HRH2: variants seen among roughly 807,000 people sequenced by gnomAD.
The protein encoded by HRH2 is histamine H2 receptor.
A neutral mutation model predicts 20.1 loss-of-function variants in HRH2; 4 were observed. The observed-to-expected ratio is 0.20, with a 90% CI of 0.10 to 0.45. The LOEUF is 0.45. Ranked by LOEUF, HRH2 falls within the 20% of genes least tolerant of loss-of-function variation. The probability of loss-of-function intolerance (pLI) is 0.99; values close to 1 mark genes in which losing one functional copy is unlikely to be tolerated. For synonymous variants in HRH2, 197 were observed against 200.7 expected (o/e 0.98, Z 0.16); for missense variants, 250 against 461.6 (o/e 0.54, Z 4.20).
At chr5:175,694,341 C>T (rs2113541778) in intron 2 of HRH2, among the ~76,000 whole-genome samples, 1 of 152,268 alleles carries the variant, frequency 6.6e-6, no homozygotes, top group African/African-American at 2.4e-5. Context: ...CCTGCATCCC[C>T]CCAGTGTAAG....
At chr5:175,707,250 C>G (rs562682750) in intron 2 of HRH2, among the ~76,000 whole-genome samples, 49 of 152,042 alleles carry the variant, frequency 3.2e-4, no homozygotes, top group Non-Finnish European at 6.3e-4. Context: ...GAGTGACAAC[C>G]CACCTCTATA....
In HRH2 at chr5:175,693,919, G is replaced by T. The variant is rs1179684655; in HGVS notation, c.1076+9610G>T. Among the ~76,000 whole-genome samples, 1 of 152,170 alleles carries T rather than the reference G, an allele frequency of 6.6e-6. No individual in the cohort carries two copies. Among genetic ancestry groups the T allele is most frequent in the Non-Finnish European group, 1.5e-5 (1 of 68,038 alleles). On this transcript the variant is annotated intron_variant, in intron 2 of 2. Transcript: ENST00000636584. This position sits in a 1 kb window ranked among gnomAD's most constrained non-coding sequence, Gnocchi z 4.4. ...CATCCCTTACCAGACACTCTCGCAAGCTGGGAAGCTATTTGTGACATGGCA... is the reference window on the plus strand; with the variant it reads ...CATCCCTTACCAGACACTCTCGCAATCTGGGAAGCTATTTGTGACATGGCA...
chr5:175,666,310 C>T (rs1053648988), intron 1 of HRH2, among the ~76,000 whole-genome samples: 1 of 152,228 alleles, frequency 6.6e-6, no homozygotes, highest in Admixed American at 6.5e-5. Flanking sequence ...CGTCATTGGG[C>T]TCTCTGGAAG....
intron 2 of HRH2, among the ~76,000 whole-genome samples, chr5:175,698,632 G>A (rs1022531666): frequency 1.3e-4 from 20 of 152,120 alleles, no homozygotes; most frequent in Admixed American, 6.5e-4. Context: ...AACCCCCTCC[G>A]TCTCGCAGCC....
Position 175,684,251 on chromosome 5 carries a change from C to G in HRH2, c.1018C>G (p.Leu340Val). The stretch of plus-strand genomic sequence containing the variant: ...ACCCAGGCAACAGGAAGAGAAACCC[C>G]TGAAGCTCCAGGTGTGGAGTGGGAC... ...REPRQQEEKP[L>V]KLQVWSGTEV... Residue 340 changes from leucine to valine, a missense_variant, in exon 2 of 3, where the codon CTG becomes GTG. By Grantham distance (32) the Leu-to-Val change is conservative. Around this residue, in one of 5 missense-constraint regions of HRH2, gnomAD observed 55 missense variants for 66.9 expected, o/e 0.82. Transcript: ENST00000636584. The G allele has an allele frequency of 6.2e-7, 1 of 1,614,186 alleles. No homozygotes were observed. Among genetic ancestry groups the G allele is most frequent in the Non-Finnish European group, 8.5e-7 (1 of 1,180,030 alleles).
chr5:175,684,813 G>A (rs78477050), intron 2 of HRH2, among the ~76,000 whole-genome samples: 1 of 152,184 alleles, frequency 6.6e-6, no homozygotes, highest in African/African-American at 2.4e-5. Flanking sequence ...ACCGTGGGGG[G>A]GGTGTAAGTT....
At position 175,677,675 on chromosome 5, in the gene HRH2, A is replaced by T. The variant is rs1485809563; in HGVS notation, c.-525-5034A>T. Among the ~76,000 whole-genome samples, 1 of 152,202 alleles carries T rather than the reference A, an allele frequency of 6.6e-6. No homozygotes were observed. Among genetic ancestry groups the T allele is most frequent in the African/African-American group, 2.4e-5 (1 of 41,464 alleles). ...GCTGGGGCCACTTCCTGATACCCTC[A>T]GGAGGCACCTGGAACATTTGAAGTG... On this transcript the variant is annotated intron_variant, in intron 1 of 2. Coordinates refer to ENST00000636584, the MANE Select transcript of HRH2 (RefSeq NM_001367711.1). This position sits in a 1 kb window ranked among gnomAD's most constrained non-coding sequence, Gnocchi z 4.2.
chr5:175,674,742 CTG>C, intron 1 of HRH2, among the ~76,000 whole-genome samples: 1 of 152,150 alleles, frequency 6.6e-6, no homozygotes, highest in Non-Finnish European at 1.5e-5. Context: ...CCCCTCCTGA[CTG>C]AGAAGAAATA....
rs1486243974 is a variant in HRH2, at chr5:175,683,242, C to A, written c.9C>A (p.Pro3=). 10 of 1,613,578 alleles carry A rather than the reference C, an allele frequency of 6.2e-6. No homozygotes were observed. Among genetic ancestry groups the A allele is most frequent in the Non-Finnish European group, 7.6e-6 (9 of 1,179,558 alleles). The change falls in exon 2 of 3, where the codon CCC becomes CCA. Residue 3 remains proline, a synonymous_variant. Coordinates refer to ENST00000636584, the MANE Select transcript of HRH2 (RefSeq NM_001367711.1). Reference sequence around the variant, plus strand: ...AGCCGTAGAGTCCCAGGATGGCACCCAATGGCACAGCCTCTTCCTTTTGCC... The same window carrying A: ...AGCCGTAGAGTCCCAGGATGGCACCAAATGGCACAGCCTCTTCCTTTTGCC... The part of the protein sequence containing the change: MA[P]NGTASSFCLD...
At chr5:175,665,905 GAA>G (rs552986666) in intron 1 of HRH2, among the ~76,000 whole-genome samples, 1 of 147,148 alleles carries the variant, frequency 6.8e-6, no homozygotes. Context: ...ATATTTTTGG[GAA>G]AAAAAAAAGA....
At chr5:175,690,538 TCTGC>T (rs151048898) in intron 2 of HRH2, among the ~76,000 whole-genome samples, 7,614 of 152,148 alleles carry the variant, frequency 0.05, 626 homozygotes, top group African/African-American at 0.17. Flanking sequence ...TTCCTGTCTG[TCTGC>T]CTGCCTGCCT....
intron 2 of HRH2, among the ~76,000 whole-genome samples, chr5:175,684,614 T>TA (rs1756103848): frequency 2.0e-5 from 3 of 152,222 alleles, no homozygotes; most frequent in Admixed American, 2.0e-4. Context: ...ACGTGGTCCT[T>TA]ACAATTAGAA....
At chr5:175,702,131 G>C (rs986493172) in intron 2 of HRH2, among the ~76,000 whole-genome samples, 5 of 152,168 alleles carry the variant, frequency 3.3e-5, no homozygotes, top group Non-Finnish European at 7.3e-5. Flanking sequence ...CTGCCACTGG[G>C]CTTTTTAAAG....
At chr5:175,658,930 G>A (rs1762653252) in intron 1 of HRH2, among the ~76,000 whole-genome samples, 1 of 152,212 alleles carries the variant, frequency 6.6e-6, no homozygotes, top group African/African-American at 2.4e-5. Context: ...GTGTTGTGAG[G>A]CGAAAGAGGT....
chr5:175,662,353 G>A (rs190061617), intron 1 of HRH2, among the ~76,000 whole-genome samples: 9 of 152,274 alleles, frequency 5.9e-5, no homozygotes, highest in Admixed American at 2.0e-4. Flanking sequence ...GAGTGCTGGC[G>A]TCTAGTGGGT....
chr5:175,676,328 C>A (rs765844749), intron 1 of HRH2, among the ~76,000 whole-genome samples: 2 of 152,248 alleles, frequency 1.3e-5, no homozygotes, highest in Non-Finnish European at 2.9e-5. Context: ...CACGCCCGCA[C>A]GTGCACACAC....
In HRH2 at chr5:175,693,352, G is replaced by A. The variant is rs747351255; in HGVS notation, c.1076+9043G>A. On this transcript the variant is annotated intron_variant, in intron 2 of 2. Coordinates refer to ENST00000636584, the MANE Select transcript of HRH2 (RefSeq NM_001367711.1). The surrounding 1 kb of genome is among the most constrained non-coding windows in gnomAD (Gnocchi z 4.4). ...CCACCCTGCCTGGAGACAGGAAGTCGAGGTGGTCCCGACTGCCAAAAACTG... is the reference window on the plus strand; with the variant it reads ...CCACCCTGCCTGGAGACAGGAAGTCAAGGTGGTCCCGACTGCCAAAAACTG... Among the ~76,000 whole-genome samples the A allele has an allele frequency of 3.3e-5, 5 of 152,188 alleles. No homozygotes were observed. Among genetic ancestry groups the A allele is most frequent in the Non-Finnish European group, 7.3e-5 (5 of 68,036 alleles).
At chr5:175,662,240 A>G (rs1762759413) in intron 1 of HRH2, among the ~76,000 whole-genome samples, 1 of 152,160 alleles carries the variant, frequency 6.6e-6, no homozygotes. Flanking sequence ...CAGGTGAGCC[A>G]GGGAGGTTGG....
chr5:175,704,281 T>A (rs1288530332), intron 2 of HRH2, among the ~76,000 whole-genome samples: 1 of 152,120 alleles, frequency 6.6e-6, no homozygotes, highest in Non-Finnish European at 1.5e-5. Context: ...AAAATATAAT[T>A]CCTCATGACC....
Sources: gnomAD v4.1 joint callset for allele counts (sites outside exome capture counted in the v4.1 genomes callset) on GRCh38, gnomAD v4.1.1 for gene constraint, gnomAD v4.1.1 regional missense constraint, Gnocchi (gnomAD v3.1) non-coding constraint, MANE v1.5 for transcripts, NCBI Gene and HGNC (gene_info 2026-07-23, HGNC 2026-07-21) for gene names.